The following CCDC88C variants were observed in gnomAD, a reference collection of about 807,000 sequenced individuals.
CCDC88C encodes protein Daple.
Under a neutral mutation model 198.8 loss-of-function variants are expected in CCDC88C, and 131 were observed. That is an observed-to-expected ratio of 0.66 (90% CI 0.57 to 0.76). The LOEUF is 0.76. CCDC88C is among the 30% of genes least tolerant of loss of function. The probability of loss-of-function intolerance (pLI) is 0.00; values close to 1 mark genes in which losing one functional copy is unlikely to be tolerated. For synonymous variants in CCDC88C, 1,166 were observed against 1,114.7 expected, an observed-to-expected ratio of 1.05 and a Z score of -0.92; for missense variants, 2,553 against 2,631.6, an observed-to-expected ratio of 0.97 and a Z score of 0.65.
At chr14:91,312,790 A>C (rs1331506965) in intron 15 of CCDC88C, among the ~76,000 whole-genome samples, 1 of 151,992 alleles carries the variant, frequency 6.6e-6, no homozygotes, top group East Asian at 1.9e-4. Context: ...AATTAATAAA[A>C]ACCACAACAG....
chr14:91,323,866 C>G (rs181299608), intron 12 of CCDC88C, among the ~76,000 whole-genome samples: 2 of 152,388 alleles, frequency 1.3e-5, no homozygotes, highest in African/African-American at 4.8e-5. Flanking sequence ...AAAGCACAGA[C>G]AGCTAACTTC....
intron 15 of CCDC88C, among the ~76,000 whole-genome samples, chr14:91,312,725 T>TA (rs1432940516): frequency 6.6e-6 from 1 of 152,170 alleles, no homozygotes; most frequent in East Asian, 1.9e-4. Flanking sequence ...ACAAATATCT[T>TA]ACGGCCATTG....
intron 3 of CCDC88C, among the ~76,000 whole-genome samples, chr14:91,363,522 A>G (rs1006952939): frequency 4.6e-5 from 7 of 152,226 alleles, no homozygotes; most frequent in Admixed American, 1.3e-4. Flanking sequence ...TCCAGATTTC[A>G]CAAAATCTAG....
chr14:91,362,686 T>C (rs544173299), intron 3 of CCDC88C, among the ~76,000 whole-genome samples: 1 of 152,132 alleles, frequency 6.6e-6, no homozygotes, highest in East Asian at 1.9e-4. Context: ...TCCCAGCACT[T>C]TGGGAGGCTG....
chr14:91,315,076 C>T (rs1281183927), intron 14 of CCDC88C, among the ~76,000 whole-genome samples: 3 of 152,168 alleles, frequency 2.0e-5, no homozygotes, highest in African/African-American at 7.2e-5. Flanking sequence ...GCCAACGTGA[C>T]GTCTACGGAG....
intron 26 of CCDC88C, among the ~76,000 whole-genome samples, chr14:91,282,444 T>G (rs1043103224): frequency 6.6e-6 from 1 of 152,224 alleles, no homozygotes; most frequent in African/African-American, 2.4e-5. Context: ...CATTATCTCT[T>G]CCTTTCTCTT....
At position 91,313,821 on chromosome 14, in the gene CCDC88C, C is replaced by G; in HGVS notation, c.1995G>C (p.Glu665Asp). Residue 665 changes from glutamate (E) to aspartate (D), a missense_variant, in exon 15 of 30, where the codon GAG becomes GAC. By Grantham distance (45) the Glu-to-Asp change is conservative (BLOSUM62 2). Coordinates refer to ENST00000389857, the MANE Select transcript of CCDC88C (RefSeq NM_001080414.4). The surrounding 1 kb of genome is among the most constrained non-coding windows in gnomAD (Gnocchi z 5.2). The stretch of plus-strand genomic sequence containing the variant: ...CCAGCTGCAGGCCCTGGCTCTCATG[C>G]TCCAGGGCCTCGACTTTCTCGGTGG... ...ETATEKVEAL[E>D]HESQGLQLEN... is the part of the protein sequence containing the mutation. 6.2e-7 allele frequency: 1 copy of G among 1,604,326 alleles called. No individual in the cohort carries two copies. The highest frequency in any genetic ancestry group is 2.2e-5 in the East Asian group (1 of 44,760).
intron 3 of CCDC88C, among the ~76,000 whole-genome samples, chr14:91,383,348 C>T (rs1884923609): frequency 6.6e-6 from 1 of 152,224 alleles, no homozygotes; most frequent in South Asian, 2.1e-4. Flanking sequence ...TCTCAGGGGG[C>T]CATGAACAGA....
In CCDC88C at chr14:91,381,991, C is replaced by T. The variant is rs974278015; in HGVS notation, c.271-22280G>A. On this transcript the variant is annotated intron_variant, in intron 3 of 29. Transcript: ENST00000389857. This position sits in a 1 kb window ranked among gnomAD's most constrained non-coding sequence, Gnocchi z 4.2. ...GTCTTCATTGTTTCACACTTTGACT[C>T]ATCCTCTACTAGGATAGGTTCTGTA... 6.6e-6 allele frequency among the ~76,000 whole-genome samples: 1 copy of T among 152,154 alleles called. No homozygotes were observed. Among genetic ancestry groups the T allele is most frequent in the African/African-American group, 2.4e-5 (1 of 41,412 alleles).
intron 20 of CCDC88C, among the ~76,000 whole-genome samples, chr14:91,303,233 A>C (rs115595310): frequency 1.5e-5 from 2 of 136,692 alleles, no homozygotes; most frequent in South Asian, 2.5e-4. Context: ...CTCCCCACAC[A>C]CCCTGCCTCT....
intron 1 of CCDC88C, 30 bp from the exon 2 acceptor site, chr14:91,416,868 C>G (rs1448855687): frequency 6.6e-7 from 1 of 1,504,090 alleles, no homozygotes; most frequent in African/African-American, 1.4e-5. Flanking sequence ...GAGAGAAAGA[C>G]AGGAAGTCAC....
chr14:91,411,730 AGGT>A (rs928164579), intron 2 of CCDC88C, among the ~76,000 whole-genome samples: 7 of 152,318 alleles, frequency 4.6e-5, no homozygotes, highest in African/African-American at 1.7e-4. Flanking sequence ...TGGGAGGCCG[AGGT>A]GAGAGGATCA....
intron 12 of CCDC88C, among the ~76,000 whole-genome samples, chr14:91,322,904 CTTTTTTTTT>C (rs35728972): frequency 7.8e-6 from 1 of 127,526 alleles, no homozygotes; most frequent in Non-Finnish European, 1.6e-5. Flanking sequence ...CAGTGTTTCT[CTTTTTTTTT>C]TTTTTTTTTT....
At chr14:91,395,265 C>T (rs974396398) in intron 3 of CCDC88C, among the ~76,000 whole-genome samples, 1 of 152,174 alleles carries the variant, frequency 6.6e-6, no homozygotes. Flanking sequence ...CTGCAGAATA[C>T]AGGTGAACAA....
chr14:91,282,799 C>T (rs955458776), intron 26 of CCDC88C, among the ~76,000 whole-genome samples: 21 of 152,142 alleles, frequency 1.4e-4, no homozygotes, highest in Admixed American at 8.5e-4. Context: ...AGTGGCTCAA[C>T]ACCTGTAATT....
In CCDC88C at chr14:91,273,193, GTC is replaced by G; in HGVS notation, c.5517_5518del (p.Glu1839AspfsTer16). 6.3e-7 allele frequency: 1 copy of G among 1,575,916 alleles called. No homozygotes were observed. Among genetic ancestry groups the G allele is most frequent in the Non-Finnish European group, 8.6e-7 (1 of 1,160,996 alleles). ...GGGGCTTTGCAGGGTGTGGCTGCCT[GTC>G]TCTCTGCCCCCTAAGGCCTCAGGAG... is the stretch of plus-strand genomic sequence containing the variant. On this transcript the variant is annotated frameshift_variant, in exon 30 of 30. Transcript: ENST00000389857. LOFTEE classifies it low-confidence loss of function (END_TRUNC). The surrounding 1 kb of genome is among the most constrained non-coding windows in gnomAD (Gnocchi z 5.6).
chr14:91,310,047 C>T (rs562323139), intron 15 of CCDC88C, 61 bp from the exon 16 acceptor site: 13 of 1,476,334 alleles, frequency 8.8e-6, no homozygotes, highest in Admixed American at 4.1e-5. Context: ...GAAGGCCAGG[C>T]GCCAGTCCCG....
At chr14:91,283,983 C>T (rs926621932) in intron 25 of CCDC88C, among the ~76,000 whole-genome samples, 7 of 152,168 alleles carry the variant, frequency 4.6e-5, no homozygotes, top group Non-Finnish European at 8.8e-5. Flanking sequence ...GCTAACCTCA[C>T]AATATTCTGT....
chr14:91,338,609 T>C lies in CCDC88C; in HGVS notation c.810-39A>G, dbSNP rs1240618432. 1 of 1,467,858 alleles carries C rather than the reference T, an allele frequency of 6.8e-7. No individual in the cohort carries two copies. 90.9% of individuals were successfully genotyped at this position (1,467,858 alleles called of 1,614,324 possible). A position where few individuals can be genotyped will look rare whatever the true frequency, so the allele number is the denominator to read the frequency against. On this transcript the variant is annotated intron_variant, in intron 8 of 29. Transcript: ENST00000389857. The surrounding 1 kb of genome is among the most constrained non-coding windows in gnomAD (Gnocchi z 4.8). ...AAGGAGAAAGAGTGTGGGAGGCAGCTTCCTCAACAAGCAGCCCTGGGAGCA... is the reference window on the plus strand; with the variant it reads ...AAGGAGAAAGAGTGTGGGAGGCAGCCTCCTCAACAAGCAGCCCTGGGAGCA...
Sources: allele counts gnomAD v4.1 joint callset (sites outside exome capture counted in the v4.1 genomes callset), GRCh38; gene constraint gnomAD v4.1.1; non-coding constraint Gnocchi (gnomAD v3.1); transcripts MANE v1.5; gene names NCBI Gene and HGNC (gene_info 2026-07-23, HGNC 2026-07-21).